Variants in CCSER1 observed in about 807,000 individuals in gnomAD.
CCSER1 encodes serine-rich coiled-coil domain-containing protein 1.
Under a neutral mutation model 82.0 loss-of-function variants are expected in CCSER1, and 41 were observed. The observed-to-expected ratio is 0.50, with a 90% CI of 0.39 to 0.65. CCSER1 has a LOEUF of 0.65. CCSER1 is among the 30% of genes least tolerant of loss of function. The pLI, the probability that CCSER1 is intolerant of heterozygous loss-of-function variation, is 0.00. For synonymous variants in CCSER1, 414 were observed against 383.9 expected (o/e 1.08, Z -0.92); for missense variants, 1,119 against 1,064.2 (o/e 1.05, Z -0.72).
At chr4:91,448,640 A>G (rs920397804) in intron 10 of CCSER1, among the ~76,000 whole-genome samples, 1 of 152,096 alleles carries the variant, frequency 6.6e-6, no homozygotes, top group South Asian at 2.1e-4. Context: ...ACCATAATAA[A>G]ATAAAGCTAA....
chr4:90,293,572 A>G (rs986314045), intron 1 of CCSER1, among the ~76,000 whole-genome samples: 7 of 150,934 alleles, frequency 4.6e-5, no homozygotes, highest in African/African-American at 1.7e-4. Flanking sequence ...GTTATTTATT[A>G]TAAACTTATT....
chr4:90,791,830 A>G (rs537497919), intron 7 of CCSER1, among the ~76,000 whole-genome samples: 2 of 146,392 alleles, frequency 1.4e-5, no homozygotes, highest in African/African-American at 4.9e-5. Context: ...AAAAAAAAAA[A>G]AAACACACAC....
chr4:90,324,972 G>C (rs1421721929), intron 3 of CCSER1, among the ~76,000 whole-genome samples: 2 of 152,208 alleles, frequency 1.3e-5, no homozygotes, highest in African/African-American at 4.8e-5. Flanking sequence ...TCAAAGATCA[G>C]ATAGTTGTAT....
chr4:90,775,267 A>T (rs1676331027), intron 7 of CCSER1, among the ~76,000 whole-genome samples: 1 of 152,258 alleles, frequency 6.6e-6, no homozygotes, highest in African/African-American at 2.4e-5. Context: ...ATCTTCTTAA[A>T]ATGTCAAAGT....
In CCSER1 at chr4:90,612,354, A is replaced by G. The variant is rs562850583; in HGVS notation, c.1725-15671A>G. Among the ~76,000 whole-genome samples, 7 of 152,288 alleles carry G rather than the reference A, an allele frequency of 4.6e-5. No homozygotes were observed. In the South Asian group the frequency reaches 1.5e-3, roughly 32 times the overall value. On this transcript the variant is annotated intron_variant, in intron 5 of 10. Transcript: ENST00000509176. Reference sequence around the variant, plus strand: ...ACAGGGTATTTGGAGAACGGGGTATATTTCATCACTTAAAAGACAAGATAA... The same window carrying G: ...ACAGGGTATTTGGAGAACGGGGTATGTTTCATCACTTAAAAGACAAGATAA...
rs78951926 is a variant in CCSER1 at position 91,497,235 on chromosome 4, C to T, written c.2218-101337C>T. 1.7e-4 allele frequency among the ~76,000 whole-genome samples: 26 copies of T among 151,482 alleles called. No homozygotes were observed. In the East Asian group the frequency reaches 3.9e-3, roughly 23 times the overall value. On this transcript the variant is annotated intron_variant, in intron 10 of 10. Transcript: ENST00000509176. ...AAATAAGAATAGTTACCTCATGAAG[C>T]GGTTTTGAAAATTAAATGATGTAAA...
At chr4:91,488,436 A>G (rs1758339147) in intron 10 of CCSER1, among the ~76,000 whole-genome samples, 1 of 152,150 alleles carries the variant, frequency 6.6e-6, no homozygotes, top group Non-Finnish European at 1.5e-5. Context: ...AGCCTTAGAG[A>G]TTGATATGGT....
chr4:91,263,501 G>T (rs1741348780), intron 10 of CCSER1, among the ~76,000 whole-genome samples: 1 of 151,894 alleles, frequency 6.6e-6, no homozygotes, highest in Non-Finnish European at 1.5e-5. Flanking sequence ...CAAATTCAGA[G>T]GATGCTGAGT....
intron 7 of CCSER1, among the ~76,000 whole-genome samples, chr4:90,799,150 CA>C: frequency 6.6e-6 from 1 of 151,960 alleles, no homozygotes; most frequent in Admixed American, 6.6e-5. Context: ...GATGTTGGCT[CA>C]GGGGTGGGGT....
chr4:90,276,772 G>A (rs1156294831), intron 1 of CCSER1, among the ~76,000 whole-genome samples: 1 of 152,164 alleles, frequency 6.6e-6, no homozygotes, highest in Admixed American at 6.6e-5. Flanking sequence ...TCTTTTAACA[G>A]TGTTTTGTCA....
intron 9 of CCSER1, among the ~76,000 whole-genome samples, chr4:91,043,866 T>C (rs989440081): frequency 1.3e-5 from 2 of 152,084 alleles, no homozygotes; most frequent in Non-Finnish European, 2.9e-5. Flanking sequence ...GGGATGACAG[T>C]CGTGAGCAAC....
At position 91,347,796 on chromosome 4, in the gene CCSER1, A is replaced by C. The variant is rs145840240; in HGVS notation, c.2218-250776A>C. Among the ~76,000 whole-genome samples the C allele has an allele frequency of 3.9e-3, 589 of 152,074 alleles. 1 individual carries two copies. Among genetic ancestry groups the C allele is most frequent in the African/African-American group, 4.9e-3 (203 of 41,564 alleles). ...TTTTCATGGCTAGTATTAAGAAAAA[A>C]ATTGACTTTTGCTTATTAGTCTTAT... On this transcript the variant is annotated intron_variant, in intron 10 of 10. Coordinates refer to ENST00000509176, the MANE Select transcript of CCSER1 (RefSeq NM_001145065.2).
At chr4:90,271,862 ATTTTTTTTTTTTTTTT>A (rs1176154331) in intron 1 of CCSER1, among the ~76,000 whole-genome samples, 8 of 21,750 alleles carry the variant, frequency 3.7e-4, no homozygotes, top group African/African-American at 2.1e-3. Context: ...ATATATATAT[ATTTTTTTTTTTTTTTT>A]TTTTTTTTTT....
Position 91,304,652 on chromosome 4 carries a change from A to G in CCSER1, c.2217+218658A>G, listed in dbSNP as rs545492333. Among the ~76,000 whole-genome samples the G allele has an allele frequency of 1.9e-3, 292 of 152,182 alleles. 1 individual carries two copies. Among genetic ancestry groups the G allele is most frequent in the African/African-American group, 6.7e-3 (278 of 41,566 alleles). On this transcript the variant is annotated intron_variant, in intron 10 of 10. Coordinates refer to ENST00000509176, the MANE Select transcript of CCSER1 (RefSeq NM_001145065.2). ...TTAATTAGATCGCAGAGTTCACACC[A>G]CAGGATATACTGTCCTTTAATTAGT...
chr4:90,484,941 T>G (rs1460841760), intron 5 of CCSER1, among the ~76,000 whole-genome samples: 2 of 152,204 alleles, frequency 1.3e-5, no homozygotes, highest in Non-Finnish European at 2.9e-5. Flanking sequence ...AGGTTATTGC[T>G]GTCTTTTGTT....
intron 9 of CCSER1, among the ~76,000 whole-genome samples, chr4:91,041,393 T>G (rs1741943587): frequency 6.6e-6 from 1 of 152,230 alleles, no homozygotes. Context: ...TGTTCTAGAT[T>G]ACTTTTTGTT....
intron 9 of CCSER1, among the ~76,000 whole-genome samples, chr4:90,949,221 G>A (rs1256277452): frequency 6.6e-6 from 1 of 151,976 alleles, no homozygotes; most frequent in South Asian, 2.1e-4. Context: ...AGACACATTT[G>A]ATGTCTGTTT....
intron 10 of CCSER1, among the ~76,000 whole-genome samples, chr4:91,194,476 C>G (rs1290322591): frequency 6.6e-6 from 1 of 151,998 alleles, no homozygotes; most frequent in Non-Finnish European, 1.5e-5. Flanking sequence ...AATTTCAAAT[C>G]TGAGTTAATA....
At chr4:91,142,436 G>C (rs899943925) in intron 10 of CCSER1, among the ~76,000 whole-genome samples, 6 of 152,104 alleles carry the variant, frequency 3.9e-5, no homozygotes, top group African/African-American at 1.4e-4. Context: ...TACTCTGTTA[G>C]TTTCTTTTGC....
Sources: allele counts gnomAD v4.1 joint callset (sites outside exome capture counted in the v4.1 genomes callset), GRCh38; gene constraint gnomAD v4.1.1; transcripts MANE v1.5; gene names NCBI Gene and HGNC (gene_info 2026-07-23, HGNC 2026-07-21).